The following GAB1 variants were observed in gnomAD, a reference collection of about 807,000 sequenced individuals.
The protein encoded by GAB1 is GRB2-associated-binding protein 1.
GAB1 carries 19 observed loss-of-function variants against 66.5 expected under a neutral mutation model. That is an observed-to-expected ratio of 0.29 (90% CI 0.20 to 0.42). The LOEUF (loss-of-function observed/expected upper bound fraction) is 0.42, where lower values mean the gene tolerates loss of function less well. GAB1 is among the 10% of genes least tolerant of loss of function. The pLI is 1.00. For missense variants in GAB1, 732 were observed against 858.5 expected (o/e 0.85, Z 1.84); for synonymous variants, 294 against 301.4 (o/e 0.98, Z 0.25).
At chr4:143,357,666 G>A (rs1729503127) in intron 1 of GAB1, among the ~76,000 whole-genome samples, 1 of 152,108 alleles carries the variant, frequency 6.6e-6, no homozygotes. Context: ...CAGTGTGGTA[G>A]TTTCCATAGT....
At chr4:143,349,679 G>C in intron 1 of GAB1, 1 of 1,517,228 alleles carries the variant, frequency 6.6e-7, no homozygotes, top group Non-Finnish European at 9.0e-7. Context: ...ACAATGGAGA[G>C]CTTGGCCAGG....
chr4:143,426,108 A>T (rs1163876198), intron 2 of GAB1: 1 of 484,148 alleles, frequency 2.1e-6, no homozygotes, highest in East Asian at 3.5e-5. Context: ...AAAAAGTTAG[A>T]GGTTGGTTCA....
In GAB1 at chr4:143,337,110, G is replaced by A; in HGVS notation, c.-79G>A. 7.6e-7 allele frequency: 1 copy of A among 1,310,964 alleles called. No individual in the cohort carries two copies. The highest frequency in any genetic ancestry group is 1.1e-6 in the Non-Finnish European group (1 of 943,668). The allele number at this position is 1,310,964 out of a possible 1,614,324, so 81.2% of individuals were successfully genotyped here. On this transcript the variant is annotated 5_prime_UTR_variant, in exon 1 of 10. Coordinates refer to ENST00000262994, the MANE Select transcript of GAB1 (RefSeq NM_002039.4). Reference sequence around the variant, plus strand: ...GAGAGCTAGGTTCTCGCCACTGCGCGCTCGGCAGGCGTCGGCTGTGTCGGG... The same window carrying A: ...GAGAGCTAGGTTCTCGCCACTGCGCACTCGGCAGGCGTCGGCTGTGTCGGG...
intron 6 of GAB1, 73 bp downstream of exon 6, chr4:143,440,455 C>A: frequency 1.5e-6 from 2 of 1,366,378 alleles, no homozygotes; most frequent in Non-Finnish European, 2.0e-6. Flanking sequence ...CCATTAAATC[C>A]AAAATAGAAT....
At chr4:143,343,513 CG>C (rs1290793726) in intron 1 of GAB1, 1 of 154,654 alleles carries the variant, frequency 6.5e-6, no homozygotes, top group Non-Finnish European at 1.5e-5. Context: ...AAACAGGTAT[CG>C]CAGGAGCTTT....
chr4:143,455,207 T>C (rs1203940712), intron 6 of GAB1, among the ~76,000 whole-genome samples: 1 of 152,140 alleles, frequency 6.6e-6, no homozygotes, highest in Non-Finnish European at 1.5e-5. Context: ...ACTACATAAC[T>C]CTGAAAATTT....
At chr4:143,454,120 G>A (rs975146160) in intron 6 of GAB1, among the ~76,000 whole-genome samples, 3 of 152,186 alleles carry the variant, frequency 2.0e-5, no homozygotes, top group Non-Finnish European at 4.4e-5. Flanking sequence ...ATAGAGAACA[G>A]AATGGTCTAG....
intron 1 of GAB1, among the ~76,000 whole-genome samples, chr4:143,402,839 G>A (rs1257635595): frequency 6.6e-6 from 1 of 152,192 alleles, no homozygotes. Context: ...CAAACTGAAG[G>A]TTTATATTTA....
chr4:143,415,744 A>C lies in GAB1; in HGVS notation c.340A>C (p.Ile114Leu). 1 of 1,610,134 alleles carries C rather than the reference A, an allele frequency of 6.2e-7. No homozygotes were observed. Among genetic ancestry groups the C allele is most frequent in the Non-Finnish European group, 8.5e-7 (1 of 1,177,130 alleles). Residue 114 changes from isoleucine (I) to leucine (L), a missense_variant, in exon 2 of 10, where the codon ATC becomes CTC. Around this residue, in one of 4 missense-constraint regions of GAB1, gnomAD observed 66 missense variants for 130.3 expected, o/e 0.51. Coordinates refer to ENST00000262994, the MANE Select transcript of GAB1 (RefSeq NM_002039.4). ...TAAGTGGGTTCGTTGTATTTGTGAC[A>C]TCTGTGGGTTTAATCCAACAGAAGA... ...MNKWVRCICD[I>L]CGFNPTEEDP...
rs186029159 is a variant in GAB1 at position 143,352,500 on chromosome 4, T to C, written c.72+15240T>C. 2.2e-4 allele frequency among the ~76,000 whole-genome samples: 34 copies of C among 152,300 alleles called. 1 individual carries two copies. The highest frequency in any genetic ancestry group is 2.6e-4 in the Non-Finnish European group (18 of 68,020). On this transcript the variant is annotated intron_variant, in intron 1 of 9. Coordinates refer to ENST00000262994, the MANE Select transcript of GAB1 (RefSeq NM_002039.4). ...CTTATAGCTTGGCAGAGTCCTTGTG[T>C]CATTTGGTTGGGAAAAAACAAGGGT...
At chr4:143,405,668 C>T (rs1732006854) in intron 1 of GAB1, among the ~76,000 whole-genome samples, 1 of 152,186 alleles carries the variant, frequency 6.6e-6, no homozygotes. Flanking sequence ...CTATGCTGAA[C>T]ACTTAAAGAG....
intron 1 of GAB1, among the ~76,000 whole-genome samples, chr4:143,376,194 A>C (rs1304353270): frequency 2.0e-5 from 3 of 152,204 alleles, no homozygotes; most frequent in Non-Finnish European, 4.4e-5. Flanking sequence ...GAATATAAAA[A>C]AGAAAAAAAT....
intron 1 of GAB1, among the ~76,000 whole-genome samples, chr4:143,385,277 T>A (rs1730847333): frequency 6.6e-6 from 1 of 152,242 alleles, no homozygotes; most frequent in South Asian, 2.1e-4. Flanking sequence ...AATGATAGAT[T>A]AGTGCCAAGT....
At chr4:143,373,207 C>G (rs1351898080) in intron 1 of GAB1, among the ~76,000 whole-genome samples, 1 of 152,204 alleles carries the variant, frequency 6.6e-6, no homozygotes, top group Non-Finnish European at 1.5e-5. Context: ...TCATCGCTGT[C>G]TGTGCAGTAT....
chr4:143,401,334 A>G (rs1044118938), intron 1 of GAB1, among the ~76,000 whole-genome samples: 1 of 152,316 alleles, frequency 6.6e-6, no homozygotes. Context: ...TGAGATTGCA[A>G]TTGTTGGTAA....
chr4:143,436,155 TA>T (rs1733930058), intron 3 of GAB1, among the ~76,000 whole-genome samples: 1 of 152,118 alleles, frequency 6.6e-6, no homozygotes, highest in African/African-American at 2.4e-5. Context: ...AAAAGCTTCA[TA>T]GGAAGAATGG....
intron 9 of GAB1, 87 bp from the exon 10 acceptor site, chr4:143,468,944 G>A (rs1264110915): frequency 9.5e-6 from 13 of 1,372,368 alleles, no homozygotes; most frequent in Non-Finnish European, 1.3e-5. Context: ...AGTATTCACA[G>A]TGGATGTGTT....
chr4:143,388,993 G>A (rs1326848085), intron 1 of GAB1, among the ~76,000 whole-genome samples: 2 of 152,142 alleles, frequency 1.3e-5, no homozygotes, highest in Admixed American at 1.3e-4. Flanking sequence ...CAGGAAAACT[G>A]CCCAGTCCAC....
chr4:143,415,786 T>G lies in GAB1; in HGVS notation c.367+15T>G, dbSNP rs373477446. On this transcript the variant is annotated intron_variant, in intron 2 of 9. Transcript: ENST00000262994. The stretch of plus-strand genomic sequence containing the variant: ...AACAGAAGAAGGTAAGTTCAAGATA[T>G]TACTATTCAACTTGAATTCTTCTTT... 8.4e-5 allele frequency: 130 copies of G among 1,541,822 alleles called. No homozygotes were observed. Among genetic ancestry groups the G allele is most frequent in the Non-Finnish European group, 1.1e-4 (125 of 1,139,974 alleles).
Sources: gnomAD v4.1 joint callset for allele counts (sites outside exome capture counted in the v4.1 genomes callset) on GRCh38, gnomAD v4.1.1 for gene constraint, gnomAD v4.1.1 regional missense constraint, MANE v1.5 for transcripts, NCBI Gene and HGNC (gene_info 2026-07-23, HGNC 2026-07-21) for gene names.